The following HOOK1 variants were observed in gnomAD, a reference collection of about 807,000 sequenced individuals.
HOOK1 encodes protein Hook homolog 1.
Under a neutral mutation model 112.8 loss-of-function variants are expected in HOOK1, and 60 were observed. That is an observed-to-expected ratio of 0.53 (90% CI 0.43 to 0.66). The LOEUF is 0.66. Ranked by LOEUF, HOOK1 falls within the 30% of genes least tolerant of loss-of-function variation. The probability of loss-of-function intolerance (pLI) is 0.00; values close to 1 mark genes in which losing one functional copy is unlikely to be tolerated. For synonymous variants in HOOK1, 294 were observed against 283.8 expected, an observed-to-expected ratio of 1.04 and a Z score of -0.36; for missense variants, 770 against 856.0, an observed-to-expected ratio of 0.90 and a Z score of 1.25.
At chr1:59,828,684 T>C (rs2098391682) in intron 2 of HOOK1, 96 bp from the exon 3 acceptor site, 2 of 947,440 alleles carry the variant, frequency 2.1e-6, no homozygotes, top group South Asian at 1.6e-5. Flanking sequence ...AAGGATAGGC[T>C]TTAAGACATA....
chr1:59,857,447 C>G (rs1261624347), intron 12 of HOOK1, among the ~76,000 whole-genome samples: 9 of 152,158 alleles, frequency 5.9e-5, no homozygotes. Flanking sequence ...TGTTGTAGGC[C>G]TTTGGTTTAT....
At chr1:59,850,666 A>G (rs985118509) in intron 12 of HOOK1, among the ~76,000 whole-genome samples, 3 of 151,576 alleles carry the variant, frequency 2.0e-5, no homozygotes, top group African/African-American at 4.8e-5. Context: ...TCACTTGGCC[A>G]TGATACTTTA....
At position 59,873,004 on chromosome 1, in the gene HOOK1, A is replaced by T. The variant is rs1644082969; in HGVS notation, c.*39A>T. On this transcript the variant is annotated 3_prime_UTR_variant, in exon 22 of 22. Transcript: ENST00000371208. ...CAAAACAAAACAAAAAAACCACATA[A>T]AATAGAAGTGTCCTTAAAATATTTT... 2 of 1,379,482 alleles carry T rather than the reference A, an allele frequency of 1.4e-6. No homozygotes were observed. Among genetic ancestry groups the T allele is most frequent in the Non-Finnish European group, 1.9e-6 (2 of 1,045,218 alleles). The allele number at this position is 1,379,482 out of a possible 1,614,324, so 85.5% of individuals were successfully genotyped here.
At chr1:59,837,872 G>A (rs1434730653) in intron 7 of HOOK1, among the ~76,000 whole-genome samples, 1 of 152,000 alleles carries the variant, frequency 6.6e-6, no homozygotes, top group Non-Finnish European at 1.5e-5. Context: ...AGGCCCTGGT[G>A]TGTGATGCTC....
intron 9 of HOOK1, among the ~76,000 whole-genome samples, chr1:59,845,913 G>A (rs188361018): frequency 6.6e-6 from 1 of 151,910 alleles, no homozygotes; most frequent in African/African-American, 2.4e-5. Context: ...TCTGTTTTCT[G>A]AAAGAGTTTA....
intron 12 of HOOK1, among the ~76,000 whole-genome samples, chr1:59,854,001 A>AATATATATATATATATATAT (rs71046347): frequency 3.9e-5 from 1 of 25,696 alleles, no homozygotes; most frequent in Admixed American, 9.6e-4. Context: ...ATTAATCTTA[A>AATATATATATATATATATAT]ATATATATAT....
At position 59,873,979 on chromosome 1, in the gene HOOK1, A is replaced by T. The variant is rs1045069608; in HGVS notation, c.*1014A>T. The T allele has an allele frequency of 6.6e-6, 1 of 151,812 alleles. No individual in the cohort carries two copies. The highest frequency in any genetic ancestry group is 2.4e-5 in the African/African-American group (1 of 41,358). The allele number at this position is 151,812 out of a possible 1,614,324, so 9.4% of individuals were successfully genotyped here. A position where few individuals can be genotyped will look rare whatever the true frequency, so the allele number is the denominator to read the frequency against. On this transcript the variant is annotated 3_prime_UTR_variant, in exon 22 of 22. Transcript: ENST00000371208. ...GTTTATCTTGGGCTCAGTTTGTGGT[A>T]TTCAGTTCGTTTCTGCCCAAAGCTC...
chr1:59,863,897 A>G, intron 16 of HOOK1: 1 of 818,816 alleles, frequency 1.2e-6, no homozygotes, highest in Non-Finnish European at 1.5e-6. Context: ...TACAAATATT[A>G]TTTTAAGCCA....
chr1:59,846,592 T>TCCCTCCCTCCCA lies in HOOK1; in HGVS notation c.789-451_789-450insCTCCCTCCCACC, dbSNP rs374267510. On this transcript the variant is annotated intron_variant, in intron 9 of 21. Coordinates refer to ENST00000371208, the MANE Select transcript of HOOK1 (RefSeq NM_015888.6). ...CTTCCTTCCTTCCTTCCTTCCTCCC[T>TCCCTCCCTCCCA]CCTCCCTCCCTCCCTCCCTCTCTCT... Among the ~76,000 whole-genome samples the TCCCTCCCTCCCA allele has an allele frequency of 6.9e-5, 3 of 43,348 alleles. 1 individual carries two copies. The South Asian group carries it at 2.7e-3, about 39-fold the overall frequency. The allele number at this position is 43,348 out of a possible 152,430, so 28.4% of individuals were successfully genotyped here.
intron 14 of HOOK1, among the ~76,000 whole-genome samples, chr1:59,859,844 G>A (rs2098412632): frequency 6.6e-6 from 1 of 151,740 alleles, no homozygotes; most frequent in South Asian, 2.1e-4. Flanking sequence ...GTTTCCTTTA[G>A]CGAATAGTTT....
rs917085094 is a variant in HOOK1 at position 59,848,331 on chromosome 1, G to A, written c.946G>A (p.Ala316Thr). 1.2e-6 allele frequency: 2 copies of A among 1,610,258 alleles called. No homozygotes were observed. Among genetic ancestry groups the A allele is most frequent in the African/African-American group, 2.7e-5 (2 of 74,712 alleles). The part of the protein sequence containing the change: ...IDVLRATSDK[A>T]NKLESTVEIY... ...TGATTATAGGGCTACCTCTGATAAA[G>A]CAAATAAACTGGAGTCAACAGTTGA... The change falls in exon 11 of 22, where the codon GCA becomes ACA. Residue 316 changes from alanine to threonine, a missense_variant. By Grantham distance (58) the Ala-to-Thr change is moderately conservative. Transcript: ENST00000371208.
Position 59,831,971 on chromosome 1 carries a change from A to G in HOOK1, c.223-192A>G, listed in dbSNP as rs1342066086. Reference sequence around the variant, plus strand: ...ATTGTGACCCACTTTAAATAGAATCACCCTACTTAACTAAACACTGATTAA... The same window carrying G: ...ATTGTGACCCACTTTAAATAGAATCGCCCTACTTAACTAAACACTGATTAA... On this transcript the variant is annotated intron_variant, in intron 3 of 21. Coordinates refer to ENST00000371208, the MANE Select transcript of HOOK1 (RefSeq NM_015888.6). Among the ~76,000 whole-genome samples, 7 of 152,104 alleles carry G rather than the reference A, an allele frequency of 4.6e-5. 1 individual carries two copies. The highest frequency in any genetic ancestry group is 1.0e-4 in the Non-Finnish European group (7 of 68,012).
intron 1 of HOOK1, among the ~76,000 whole-genome samples, chr1:59,817,914 G>A (rs1404840958): frequency 2.6e-5 from 4 of 152,204 alleles, no homozygotes; most frequent in African/African-American, 9.7e-5. Flanking sequence ...TCTGTCCCTA[G>A]GAGAACACTG....
intron 15 of HOOK1, among the ~76,000 whole-genome samples, chr1:59,861,659 C>T (rs1421039214): frequency 6.6e-6 from 1 of 152,140 alleles, no homozygotes; most frequent in Non-Finnish European, 1.5e-5. Context: ...TAAAGTTATA[C>T]ACCTAGTAGT....
Position 59,868,358 on chromosome 1 carries a change from CT to C in HOOK1, c.1947+11del. 1 of 1,471,870 alleles carries C rather than the reference CT, an allele frequency of 6.8e-7. No homozygotes were observed. Among genetic ancestry groups the C allele is most frequent in the Non-Finnish European group, 9.5e-7 (1 of 1,054,372 alleles). The allele number at this position is 1,471,870 out of a possible 1,614,324, so 91.2% of individuals were successfully genotyped here. The stretch of plus-strand genomic sequence containing the variant: ...AAGAATTGAGATTCTGGAGGTAAAA[CT>C]TTTATATTTACTCATCTTTTAGTTA... On this transcript the variant is annotated splice_region_variant and intron_variant, in intron 20 of 21. Coordinates refer to ENST00000371208, the MANE Select transcript of HOOK1 (RefSeq NM_015888.6).
In HOOK1 at chr1:59,873,072, G is replaced by A. The variant is rs1644083635; in HGVS notation, c.*107G>A. On this transcript the variant is annotated 3_prime_UTR_variant, in exon 22 of 22. Coordinates refer to ENST00000371208, the MANE Select transcript of HOOK1 (RefSeq NM_015888.6). ...ACCAGATTGAAAAAGAGTTTATGAT[G>A]CGGGATATCAGGTATTTTAAAATCA... 1 of 895,074 alleles carries A rather than the reference G, an allele frequency of 1.1e-6. No individual in the cohort carries two copies. The highest frequency in any genetic ancestry group is 1.5e-6 in the Non-Finnish European group (1 of 655,914). The allele number at this position is 895,074 out of a possible 1,614,324, so 55.4% of individuals were successfully genotyped here.
At chr1:59,822,169 A>C (rs3767998) in intron 2 of HOOK1, among the ~76,000 whole-genome samples, 1 of 152,124 alleles carries the variant, frequency 6.6e-6, no homozygotes, top group Non-Finnish European at 1.5e-5. Context: ...TGTGATCAGG[A>C]TTCTTATTTA....
rs1359243761 is a variant in HOOK1 at position 59,860,270 on chromosome 1, C to T, written c.1474C>T (p.Leu492Phe). 3 of 1,611,040 alleles carry T rather than the reference C, an allele frequency of 1.9e-6. No homozygotes were observed. Among genetic ancestry groups the T allele is most frequent in the South Asian group, 1.1e-5 (1 of 90,614 alleles). Reference sequence around the variant, plus strand: ...CTCTGAGAATGAACGTATTGAGGAACTTCAGGAGCAGCTAGAACAGAAACA... The same window carrying T: ...CTCTGAGAATGAACGTATTGAGGAATTTCAGGAGCAGCTAGAACAGAAACA... ...EGSENERIEELQEQLEQKHRK... is the reference protein window; with the variant it reads ...EGSENERIEEFQEQLEQKHRK... Residue 492 changes from leucine (L) to phenylalanine (F), a missense_variant, in exon 15 of 22, where the codon CTT (leucine) becomes TTT (phenylalanine). By Grantham distance (22) the Leu-to-Phe change is conservative (BLOSUM62 0). Transcript: ENST00000371208.
intron 12 of HOOK1, among the ~76,000 whole-genome samples, chr1:59,851,850 A>G (rs1039788948): frequency 6.6e-6 from 1 of 151,528 alleles, no homozygotes; most frequent in Non-Finnish European, 1.5e-5. Context: ...TTTTCCTTCT[A>G]TTCGTAGTTT....
Sources: gnomAD v4.1 joint callset for allele counts (sites outside exome capture counted in the v4.1 genomes callset) on GRCh38, gnomAD v4.1.1 for gene constraint, MANE v1.5 for transcripts, NCBI Gene and HGNC (gene_info 2026-07-23, HGNC 2026-07-21) for gene names.